Variants in ARHGAP21 observed in about 807,000 individuals in gnomAD.
The protein encoded by ARHGAP21 is rho GTPase-activating protein 21.
ARHGAP21 carries 38 observed loss-of-function variants against 164.6 expected under a neutral mutation model. The ratio of observed to expected loss-of-function variants is 0.23; its 90% CI spans 0.18 to 0.30. ARHGAP21 has a LOEUF of 0.30. Among genes scored for constraint, ARHGAP21 ranks in the 10% least tolerant of loss-of-function variants. The probability of loss-of-function intolerance (pLI) is 1.00; values close to 1 mark genes in which losing one functional copy is unlikely to be tolerated. For missense variants in ARHGAP21, 1,822 were observed against 2,370.7 expected (o/e 0.77, Z 4.81); for synonymous variants, 766 against 857.9 (o/e 0.89, Z 1.87).
chr10:24,649,791 C>T (rs1043342363), intron 4 of ARHGAP21, among the ~76,000 whole-genome samples: 1 of 150,856 alleles, frequency 6.6e-6, no homozygotes, highest in Non-Finnish European at 1.5e-5. Context: ...GAAACAGATT[C>T]AAAAACTTCT....
intron 24 of ARHGAP21, chr10:24,590,141 C>A: frequency 7.5e-7 from 1 of 1,327,072 alleles, no homozygotes; most frequent in South Asian, 2.0e-5. Context: ...GAGCTGAGCC[C>A]CATGCCACGC....
intron 3 of ARHGAP21, among the ~76,000 whole-genome samples, chr10:24,667,834 G>C (rs1302870747): frequency 1.3e-5 from 2 of 151,422 alleles, no homozygotes; most frequent in Non-Finnish European, 2.9e-5. Context: ...TAAGGACACT[G>C]TTATATTAAT....
At chr10:24,591,392 A>G (rs2076323622) in intron 23 of ARHGAP21, 62 bp from the exon 24 acceptor site, 3 of 1,429,902 alleles carry the variant, frequency 2.1e-6, no homozygotes, top group East Asian at 2.3e-5. Flanking sequence ...TTAAAATTTA[A>G]ACAACATTTA....
intron 2 of ARHGAP21, among the ~76,000 whole-genome samples, chr10:24,675,012 G>C (rs1410250826): frequency 1.3e-5 from 2 of 152,150 alleles, no homozygotes; most frequent in Non-Finnish European, 2.9e-5. Context: ...GGTACACTTT[G>C]GAAAACAGTC....
At chr10:24,670,726 A>C (rs2131780746) in intron 2 of ARHGAP21, among the ~76,000 whole-genome samples, 1 of 152,306 alleles carries the variant, frequency 6.6e-6, no homozygotes, top group East Asian at 1.9e-4. Context: ...AATTTTAAAG[A>C]GCACTATGGA....
chr10:24,636,177 T>G (rs536138380), intron 4 of ARHGAP21, among the ~76,000 whole-genome samples: 1 of 152,354 alleles, frequency 6.6e-6, no homozygotes, highest in East Asian at 1.9e-4. Context: ...CATTAAATTT[T>G]GAGAACAACT....
chr10:24,639,404 A>G (rs997389895), intron 4 of ARHGAP21, among the ~76,000 whole-genome samples: 15 of 152,314 alleles, frequency 9.8e-5, no homozygotes, highest in African/African-American at 3.6e-4. Flanking sequence ...GGATTTAAAA[A>G]AGATAATCCA....
At chr10:24,596,310 G>A (rs1253260834) in intron 17 of ARHGAP21, 4 of 438,788 alleles carry the variant, frequency 9.1e-6, no homozygotes, top group African/African-American at 2.1e-5. Flanking sequence ...TAAAGAGAAT[G>A]TGGAAACCGT....
intron 7 of ARHGAP21, chr10:24,628,965 TATATA>T (rs1565054447): frequency 6.4e-5 from 1 of 15,730 alleles, no homozygotes; most frequent in Non-Finnish European, 1.2e-4. Context: ...TATATATATA[TATATA>T]TATATATATA....
intron 4 of ARHGAP21, among the ~76,000 whole-genome samples, chr10:24,661,503 G>A (rs1326346970): frequency 6.6e-6 from 1 of 152,100 alleles, no homozygotes; most frequent in Non-Finnish European, 1.5e-5. Flanking sequence ...AAGGAAAGAA[G>A]ACCAAAACAA....
At chr10:24,717,530 G>C (rs932357873) in intron 2 of ARHGAP21, among the ~76,000 whole-genome samples, 7 of 152,098 alleles carry the variant, frequency 4.6e-5, no homozygotes, top group African/African-American at 1.7e-4. Flanking sequence ...TTGAAGAAAA[G>C]ACCAGTATGA....
intron 9 of ARHGAP21, among the ~76,000 whole-genome samples, chr10:24,608,851 A>AT (rs142664217): frequency 1.5e-4 from 23 of 152,008 alleles, no homozygotes; most frequent in Non-Finnish European, 2.9e-4. Flanking sequence ...TTTACTAAGT[A>AT]TACGACAGTT....
At chr10:24,593,725 T>A (rs1049258661) in intron 21 of ARHGAP21, among the ~76,000 whole-genome samples, 1 of 152,182 alleles carries the variant, frequency 6.6e-6, no homozygotes, top group African/African-American at 2.4e-5. Context: ...ACAGTACTCC[T>A]AACATTCAGC....
chr10:24,610,459 A>C (rs986796147), intron 9 of ARHGAP21, among the ~76,000 whole-genome samples: 1 of 152,074 alleles, frequency 6.6e-6, no homozygotes, highest in African/African-American at 2.4e-5. Flanking sequence ...AAGGACACCT[A>C]AGTTGCTACA....
At chr10:24,637,473 G>A (rs1039342210) in intron 4 of ARHGAP21, among the ~76,000 whole-genome samples, 1 of 152,146 alleles carries the variant, frequency 6.6e-6, no homozygotes, top group Non-Finnish European at 1.5e-5. Flanking sequence ...TAAAAGAGAA[G>A]AGACATTTTT....
intron 25 of ARHGAP21, among the ~76,000 whole-genome samples, chr10:24,588,557 A>G (rs2076202065): frequency 6.6e-6 from 1 of 152,352 alleles, no homozygotes; most frequent in Non-Finnish European, 1.5e-5. Context: ...ATATTTAAAC[A>G]TGATATGTAA....
At chr10:24,678,220 T>G (rs1454133422) in intron 2 of ARHGAP21, among the ~76,000 whole-genome samples, 1 of 152,166 alleles carries the variant, frequency 6.6e-6, no homozygotes, top group African/African-American at 2.4e-5. Flanking sequence ...CACAACCAGG[T>G]TACTGACACA....
In ARHGAP21 at chr10:24,597,302, A is replaced by G. The variant is rs1221197143; in HGVS notation, c.3334+145T>C. ...TGGGCCTCACAAAGGGAAAGGCCCAATGAGCCCAGACCAAGCCTACTATGA... is the reference window on the plus strand; with the variant it reads ...TGGGCCTCACAAAGGGAAAGGCCCAGTGAGCCCAGACCAAGCCTACTATGA... On this transcript the variant is annotated intron_variant, in intron 16 of 25. Transcript: ENST00000396432. 29 of 1,060,908 alleles carry G rather than the reference A, an allele frequency of 2.7e-5. No homozygotes were observed. In the South Asian group the frequency reaches 4.9e-4, roughly 18 times the overall value. 65.7% of individuals were successfully genotyped at this position (1,060,908 alleles called of 1,614,324 possible). A position where few individuals can be genotyped will look rare whatever the true frequency, so the allele number is the denominator to read the frequency against.
chr10:24,628,844 C>CACATACATATATATACACATATAT lies in ARHGAP21; in HGVS notation c.495+1128_495+1151dup, dbSNP rs1245608492. Among the ~76,000 whole-genome samples, 643 of 133,250 alleles carry CACATACATATATATACACATATAT rather than the reference C, an allele frequency of 4.8e-3. 82 individuals carry two copies. Among genetic ancestry groups the CACATACATATATATACACATATAT allele is most frequent in the African/African-American group, 0.011 (367 of 33,804 alleles). 87.4% of individuals were successfully genotyped at this position (133,250 alleles called of 152,430 possible). On this transcript the variant is annotated intron_variant, in intron 7 of 25. Transcript: ENST00000396432. ...ATACACACATATATGTACATATATA[C>CACATACATATATATACACATATAT]ACATACATATATATACACATATATA...
Sources: gnomAD v4.1 joint callset for allele counts (sites outside exome capture counted in the v4.1 genomes callset) on GRCh38, gnomAD v4.1.1 for gene constraint, MANE v1.5 for transcripts, NCBI Gene and HGNC (gene_info 2026-07-23, HGNC 2026-07-21) for gene names.